Variants in PLCL2 observed in about 807,000 individuals in gnomAD.
PLCL2 encodes the protein phospholipase C like 2, also known as inactive phospholipase C-like protein 2.
Under a neutral mutation model 79.6 loss-of-function variants are expected in PLCL2, and 4 were observed. That is an observed-to-expected ratio of 0.05 (90% CI 0.02 to 0.11). PLCL2 has a LOEUF of 0.11. Among genes scored for constraint, PLCL2 ranks in the 10% least tolerant of loss-of-function variants. PLCL2 has a pLI of 1.00. For missense variants in PLCL2, 895 were observed against 1,291.0 expected, an observed-to-expected ratio of 0.69 and a Z score of 4.70; for synonymous variants, 484 against 457.7, an observed-to-expected ratio of 1.06 and a Z score of -0.73.
At chr3:16,988,700 C>G (rs1237592962) in intron 1 of PLCL2, among the ~76,000 whole-genome samples, 2 of 152,002 alleles carry the variant, frequency 1.3e-5, no homozygotes, top group African/African-American at 4.8e-5. Flanking sequence ...AGTGGTTATC[C>G]TGACTGAGCA....
At chr3:16,952,006 C>CATCT (rs1422821647) in intron 1 of PLCL2, among the ~76,000 whole-genome samples, 1 of 151,928 alleles carries the variant, frequency 6.6e-6, no homozygotes, top group African/African-American at 2.4e-5. Context: ...AGCGAGAAGC[C>CATCT]ATCTATGTAG....
At chr3:16,950,513 G>A (rs182938842) in intron 1 of PLCL2, among the ~76,000 whole-genome samples, 1 of 151,232 alleles carries the variant, frequency 6.6e-6, no homozygotes, top group East Asian at 1.9e-4. Context: ...AGCTCTTCAT[G>A]TAGAGATTTT....
intron 1 of PLCL2, among the ~76,000 whole-genome samples, chr3:16,913,489 T>A (rs1273914912): frequency 6.6e-6 from 1 of 151,980 alleles, no homozygotes; most frequent in Non-Finnish European, 1.5e-5. Flanking sequence ...GGGATTCTGT[T>A]ATGATTAGTA....
At chr3:17,037,570 A>G (rs1447595720) in intron 3 of PLCL2, among the ~76,000 whole-genome samples, 2 of 152,196 alleles carry the variant, frequency 1.3e-5, no homozygotes, top group Non-Finnish European at 2.9e-5. Context: ...CAGTAGCCAC[A>G]TCTGTGTTGA....
At chr3:16,929,136 G>A (rs1697332723) in intron 1 of PLCL2, among the ~76,000 whole-genome samples, 1 of 26 alleles carries the variant, frequency 0.038, no homozygotes, top group Non-Finnish European at 0.12. Context: ...CAGAAATGAT[G>A]ATGATGATAC....
chr3:17,064,111 G>A (rs1281897134), intron 4 of PLCL2, among the ~76,000 whole-genome samples: 1 of 152,166 alleles, frequency 6.6e-6, no homozygotes, highest in Non-Finnish European at 1.5e-5. Context: ...AAATGAGGTG[G>A]TTACTTAACT....
intron 1 of PLCL2, among the ~76,000 whole-genome samples, chr3:16,995,378 G>A (rs1055908010): frequency 9.2e-5 from 14 of 152,212 alleles, no homozygotes; most frequent in Non-Finnish European, 1.9e-4. Flanking sequence ...TATCAGTTTT[G>A]TACAAATTTG....
chr3:17,055,158 T>G (rs571353278), intron 4 of PLCL2, among the ~76,000 whole-genome samples: 1 of 152,184 alleles, frequency 6.6e-6, no homozygotes, highest in African/African-American at 2.4e-5. Context: ...GTTAACACTT[T>G]GAAGATGAGA....
chr3:16,975,822 G>A (rs2063919976), intron 1 of PLCL2, among the ~76,000 whole-genome samples: 1 of 152,202 alleles, frequency 6.6e-6, no homozygotes, highest in African/African-American at 2.4e-5. Context: ...ATCATGACCT[G>A]CCTGAGACAA....
intron 1 of PLCL2, among the ~76,000 whole-genome samples, chr3:17,001,080 T>C (rs187071313): frequency 7.1e-4 from 108 of 152,220 alleles, no homozygotes; most frequent in African/African-American, 2.3e-3. Flanking sequence ...GCTTTTTTTT[T>C]CTCTTTTTGA....
At chr3:16,925,904 A>T (rs370542075) in intron 1 of PLCL2, among the ~76,000 whole-genome samples, 2 of 152,148 alleles carry the variant, frequency 1.3e-5, no homozygotes, top group Admixed American at 6.5e-5. Flanking sequence ...AGTGGAATTG[A>T]TGGGTTCTAT....
intron 1 of PLCL2, among the ~76,000 whole-genome samples, chr3:16,917,104 C>T (rs1479458084): frequency 1.3e-5 from 2 of 152,176 alleles, no homozygotes; most frequent in African/African-American, 4.8e-5. Flanking sequence ...CCTTTCTGTC[C>T]TTCACATCCG....
At chr3:17,052,190 A>G (rs2064848107) in intron 4 of PLCL2, among the ~76,000 whole-genome samples, 1 of 150,434 alleles carries the variant, frequency 6.6e-6, no homozygotes, top group Non-Finnish European at 1.5e-5. Flanking sequence ...CACACGATTT[A>G]TAACAGAGCT....
chr3:16,929,491 C>T (rs542111002), intron 1 of PLCL2, among the ~76,000 whole-genome samples: 1 of 152,308 alleles, frequency 6.6e-6, no homozygotes, highest in African/African-American at 2.4e-5. Flanking sequence ...ACTTTGCAAT[C>T]ATTCTTAACT....
At chr3:17,081,816 G>A (rs1022645007) in intron 5 of PLCL2, among the ~76,000 whole-genome samples, 16 of 152,208 alleles carry the variant, frequency 1.1e-4, no homozygotes, top group South Asian at 4.1e-4. Context: ...TCCAGCCACT[G>A]CCCTTAGTTA....
intron 1 of PLCL2, among the ~76,000 whole-genome samples, chr3:17,003,838 G>C (rs1239608984): frequency 6.6e-6 from 1 of 152,084 alleles, no homozygotes; most frequent in South Asian, 2.1e-4. Context: ...GAGGTGGATG[G>C]GTTCTGCTTC....
At chr3:17,060,456 G>T (rs1455003841) in intron 4 of PLCL2, among the ~76,000 whole-genome samples, 1 of 152,150 alleles carries the variant, frequency 6.6e-6, no homozygotes, top group Non-Finnish European at 1.5e-5. Context: ...AGAAAAGGAG[G>T]CTACCAACTG....
chr3:16,890,445 T>G (rs900527807), intron 1 of PLCL2, among the ~76,000 whole-genome samples: 4 of 152,260 alleles, frequency 2.6e-5, no homozygotes, highest in Non-Finnish European at 4.4e-5. Flanking sequence ...TATTTTTTTA[T>G]GCTTAAGTTA....
At chr3:17,068,983 T>C (rs2065035454) in intron 5 of PLCL2, among the ~76,000 whole-genome samples, 1 of 152,222 alleles carries the variant, frequency 6.6e-6, no homozygotes, top group Non-Finnish European at 1.5e-5. Flanking sequence ...GCTGAATTTG[T>C]AGGGAAGAAA....
Sources: gnomAD v4.1 joint callset for allele counts (sites outside exome capture counted in the v4.1 genomes callset) on GRCh38, gnomAD v4.1.1 for gene constraint, MANE v1.5 for transcripts, NCBI Gene and HGNC (gene_info 2026-07-23, HGNC 2026-07-21) for gene names.